TSPAN9: variants seen among roughly 807,000 people sequenced by gnomAD.
The protein encoded by TSPAN9 is tetraspanin 9.
TSPAN9 carries 16 observed loss-of-function variants against 31.0 expected under a neutral mutation model. The observed-to-expected ratio is 0.52, with a 90% CI of 0.35 to 0.78. TSPAN9 has a LOEUF of 0.78. TSPAN9 is among the 30% of genes least tolerant of loss of function. The probability of loss-of-function intolerance (pLI) is 0.01; values close to 1 mark genes in which losing one functional copy is unlikely to be tolerated. For synonymous variants in TSPAN9, 145 were observed against 121.6 expected (o/e 1.19, Z -1.27); for missense variants, 272 against 312.5 (o/e 0.87, Z 0.98).
intron 2 of TSPAN9, among the ~76,000 whole-genome samples, chr12:3,085,599 C>T (rs1280472576): frequency 6.6e-6 from 1 of 152,088 alleles, no homozygotes; most frequent in Non-Finnish European, 1.5e-5. Flanking sequence ...AGGTTCTTGT[C>T]CTGGCTCCTG....
At chr12:3,275,574 GT>G (rs1187239566) in intron 3 of TSPAN9, among the ~76,000 whole-genome samples, 1 of 152,284 alleles carries the variant, frequency 6.6e-6, no homozygotes, top group Non-Finnish European at 1.5e-5. Flanking sequence ...TTGGATGAAA[GT>G]TTCAGCCATC....
At chr12:3,161,145 T>C (rs112306470) in intron 2 of TSPAN9, among the ~76,000 whole-genome samples, 4,326 of 152,138 alleles carry the variant, frequency 0.028, 212 homozygotes, top group African/African-American at 0.099. Context: ...CGCTTGAACC[T>C]GGGAGGCAGA....
At chr12:3,139,666 C>T (rs938937162) in intron 2 of TSPAN9, among the ~76,000 whole-genome samples, 2 of 152,202 alleles carry the variant, frequency 1.3e-5, no homozygotes, top group Non-Finnish European at 2.9e-5. Flanking sequence ...CCACCTCAGC[C>T]TCCCGAGTAG....
At chr12:3,135,427 C>T (rs1408542957) in intron 2 of TSPAN9, among the ~76,000 whole-genome samples, 1 of 152,168 alleles carries the variant, frequency 6.6e-6, no homozygotes, top group Non-Finnish European at 1.5e-5. Flanking sequence ...AGGCACACTC[C>T]TTCCTTAATC....
chr12:3,176,541 G>T (rs1195887121), intron 2 of TSPAN9, among the ~76,000 whole-genome samples: 1 of 152,226 alleles, frequency 6.6e-6, no homozygotes, highest in Non-Finnish European at 1.5e-5. Context: ...GTCCACATCT[G>T]TTGATTGATT....
chr12:3,251,861 G>A (rs760176566), intron 3 of TSPAN9, among the ~76,000 whole-genome samples: 7 of 152,152 alleles, frequency 4.6e-5, no homozygotes, highest in Non-Finnish European at 1.0e-4. Context: ...CTAGTGTAGT[G>A]GAGAAATACG....
intron 3 of TSPAN9, chr12:3,272,959 G>A (rs1036691864): frequency 2.6e-5 from 4 of 152,280 alleles, no homozygotes; most frequent in Non-Finnish European, 5.9e-5. Context: ...TGAGGCTGGA[G>A]TGTGGGCTCA....
intron 3 of TSPAN9, among the ~76,000 whole-genome samples, chr12:3,230,254 A>G (rs776008220): frequency 6.6e-5 from 10 of 152,150 alleles, no homozygotes; most frequent in African/African-American, 2.4e-4. Context: ...GTTGTCCAGG[A>G]GGATGAATGC....
At chr12:3,134,757 G>A (rs2098331296) in intron 2 of TSPAN9, among the ~76,000 whole-genome samples, 1 of 152,216 alleles carries the variant, frequency 6.6e-6, no homozygotes, top group South Asian at 2.1e-4. Flanking sequence ...CTCTGCTGGT[G>A]AATGTGACTG....
intron 6 of TSPAN9, 86 bp from the exon 7 acceptor site, chr12:3,281,111 TG>T: frequency 6.5e-7 from 1 of 1,529,850 alleles, no homozygotes. Context: ...TTGCGGGGAC[TG>T]GGGTTGGCCT....
intron 2 of TSPAN9, among the ~76,000 whole-genome samples, chr12:3,194,235 G>C (rs2098365983): frequency 6.6e-6 from 1 of 152,186 alleles, no homozygotes. Context: ...TCAGTGACTG[G>C]AGCAGAGGCA....
intron 3 of TSPAN9, among the ~76,000 whole-genome samples, chr12:3,204,465 C>A (rs1373802504): frequency 6.6e-6 from 1 of 152,180 alleles, no homozygotes; most frequent in East Asian, 1.9e-4. Context: ...TGGTCCTCCT[C>A]CTTACTAAGA....
intron 2 of TSPAN9, among the ~76,000 whole-genome samples, chr12:3,119,427 T>C (rs891341262): frequency 1.3e-5 from 2 of 152,184 alleles, no homozygotes; most frequent in African/African-American, 4.8e-5. Flanking sequence ...TGGGGAAACT[T>C]GGGTCTGAGC....
chr12:3,279,000 C>A lies in TSPAN9; in HGVS notation c.264C>A (p.Ile88=). Residue 88 remains isoleucine (I), a synonymous_variant, in exon 5 of 9, where the codon ATC becomes ATA. Coordinates refer to ENST00000011898, the MANE Select transcript of TSPAN9 (RefSeq NM_006675.5). The part of the protein sequence containing the change: ...ENKCLLLSFF[I]VLLVILLAEL... ...GGCCCTTTCCTTTCCAGTTTTTCAT[C>A]GTCCTGTTGGTCATCCTCCTAGCAG... The A allele has an allele frequency of 1.2e-6, 2 of 1,614,134 alleles. No homozygotes were observed. The highest frequency in any genetic ancestry group is 1.7e-6 in the Non-Finnish European group (2 of 1,179,990).
At chr12:3,275,613 G>T (rs983061391) in intron 3 of TSPAN9, among the ~76,000 whole-genome samples, 1 of 152,286 alleles carries the variant, frequency 6.6e-6, no homozygotes, top group African/African-American at 2.4e-5. Context: ...TTCTGAACCA[G>T]CCTGGAGCGC....
intron 2 of TSPAN9, among the ~76,000 whole-genome samples, chr12:3,190,329 G>C (rs1456985632): frequency 6.6e-6 from 1 of 152,232 alleles, no homozygotes; most frequent in Non-Finnish European, 1.5e-5. Context: ...TAAGTCGCAG[G>C]CTTCATCACA....
At position 3,278,523 on chromosome 12, in the gene TSPAN9, C is replaced by A. The variant is rs565330967; in HGVS notation, c.166C>A (p.Leu56Met). The change falls in exon 4 of 9, where the codon CTG (leucine) becomes ATG (methionine). Residue 56 changes from leucine to methionine, a missense_variant. Transcript: ENST00000011898. ...CTTCCCTTCGTTGTCTGCAGCCAAC[C>A]TGGTCATTGCCATAGGCACCATTGT... ...PSFPSLSAAN[L>M]VIAIGTIVMV... 1.9e-5 allele frequency: 30 copies of A among 1,614,244 alleles called. No individual in the cohort carries two copies. Among genetic ancestry groups the A allele is most frequent in the Admixed American group, 1.3e-4 (8 of 60,034 alleles).
At chr12:3,114,554 G>T (rs1278827987) in intron 2 of TSPAN9, among the ~76,000 whole-genome samples, 2 of 152,130 alleles carry the variant, frequency 1.3e-5, no homozygotes, top group African/African-American at 4.8e-5. Context: ...TCCTTCATCA[G>T]ATTCCCTGCA....
intron 3 of TSPAN9, among the ~76,000 whole-genome samples, chr12:3,230,761 C>T (rs3782811): frequency 5.3e-5 from 8 of 152,098 alleles, no homozygotes; most frequent in African/African-American, 1.4e-4. Context: ...AGCACACCCC[C>T]GTTCTCATCC....
Sources: allele counts gnomAD v4.1 joint callset (sites outside exome capture counted in the v4.1 genomes callset), GRCh38; gene constraint gnomAD v4.1.1; transcripts MANE v1.5; gene names NCBI Gene and HGNC (gene_info 2026-07-23, HGNC 2026-07-21).